The following CDR2 variants were observed in gnomAD, a reference collection of about 807,000 sequenced individuals.
CDR2 encodes cerebellar degeneration-related protein 2.
CDR2 carries 34 observed loss-of-function variants against 48.4 expected under a neutral mutation model. The observed-to-expected ratio is 0.70, with a 90% CI of 0.53 to 0.94. CDR2 has a LOEUF of 0.94. Among genes scored for constraint, CDR2 ranks in the 40% least tolerant of loss-of-function variants. The pLI is 0.00. For synonymous variants in CDR2, 240 were observed against 219.7 expected, an observed-to-expected ratio of 1.09 and a Z score of -0.82; for missense variants, 498 against 549.5, an observed-to-expected ratio of 0.91 and a Z score of 0.94.
intron 1 of CDR2, 25 bp downstream of exon 1, chr16:22,374,206 G>T: frequency 1.3e-6 from 2 of 1,530,060 alleles, no homozygotes; most frequent in Non-Finnish European, 1.8e-6. Context: ...GCCGCCGCCC[G>T]CCCGCGGGGC....
chr16:22,365,288 G>A (rs935624574), intron 1 of CDR2: 3 of 263,038 alleles, frequency 1.1e-5, no homozygotes, highest in African/African-American at 6.6e-5. Flanking sequence ...TCATTCCGCA[G>A]TGTTACTTCT....
chr16:22,354,726 T>TAAAA (rs755319252), intron 2 of CDR2, among the ~76,000 whole-genome samples: 1 of 132,252 alleles, frequency 7.6e-6, no homozygotes, highest in Non-Finnish European at 1.6e-5. Flanking sequence ...CATCTCTACT[T>TAAAA]AAAAAAAAAA....
intron 2 of CDR2, 55 bp downstream of exon 2, chr16:22,364,847 A>G (rs2049034426): frequency 9.8e-7 from 1 of 1,021,540 alleles, no homozygotes; most frequent in Non-Finnish European, 1.5e-6. Flanking sequence ...TGTGATTGGC[A>G]TAACAGCAAC....
chr16:22,349,245 C>T lies in CDR2; in HGVS notation c.506+34G>A, dbSNP rs1268279530. ...AATGTGCCAATGACATGAGACAGTC[C>T]CTGCTGTAACTCCACAGAAAGGCAG... On this transcript the variant is annotated intron_variant, in intron 4 of 4. Transcript: ENST00000268383. 3 of 1,610,882 alleles carry T rather than the reference C, an allele frequency of 1.9e-6. No individual in the cohort carries two copies. In the African/African-American group the frequency reaches 4.0e-5, roughly 22 times the overall value.
chr16:22,350,982 C>T (rs1268540386), intron 2 of CDR2, among the ~76,000 whole-genome samples: 1 of 152,196 alleles, frequency 6.6e-6, no homozygotes, highest in East Asian at 1.9e-4. Flanking sequence ...CACCCATCAA[C>T]TCATCATTTA....
chr16:22,346,754 T>A lies in CDR2; in HGVS notation c.*211A>T. 1 of 596,564 alleles carries A rather than the reference T, an allele frequency of 1.7e-6. No homozygotes were observed. The highest frequency in any genetic ancestry group is 1.8e-5 in the African/African-American group (1 of 54,146). The allele number at this position is 596,564 out of a possible 1,614,324, so 37.0% of individuals were successfully genotyped here. A position where few individuals can be genotyped will look rare whatever the true frequency, so the allele number is the denominator to read the frequency against. On this transcript the variant is annotated 3_prime_UTR_variant, in exon 5 of 5. Coordinates refer to ENST00000268383, the MANE Select transcript of CDR2 (RefSeq NM_001802.2). ...GCGCCAGCCAGAGGCCAGTTTGTCATGGGATTTCCTGGGGAGCTTAAATGG... is the reference window on the plus strand; with the variant it reads ...GCGCCAGCCAGAGGCCAGTTTGTCAAGGGATTTCCTGGGGAGCTTAAATGG...
intron 2 of CDR2, among the ~76,000 whole-genome samples, chr16:22,355,581 C>T (rs2048969409): frequency 6.6e-6 from 1 of 152,116 alleles, no homozygotes; most frequent in Non-Finnish European, 1.5e-5. Context: ...GCCCTAGGCC[C>T]AACAAACCAA....
chr16:22,350,851 T>C (rs930831540), intron 2 of CDR2, among the ~76,000 whole-genome samples: 2 of 152,188 alleles, frequency 1.3e-5, no homozygotes, highest in Admixed American at 1.3e-4. Context: ...ACATCATGTT[T>C]AACAGAAATA....
At chr16:22,351,655 G>A (rs901963975) in intron 2 of CDR2, among the ~76,000 whole-genome samples, 1 of 152,144 alleles carries the variant, frequency 6.6e-6, no homozygotes, top group African/African-American at 2.4e-5. Flanking sequence ...AATTTTATGA[G>A]AGTTTTATCA....
At chr16:22,348,666 A>G (rs576648644) in intron 4 of CDR2, among the ~76,000 whole-genome samples, 17 of 152,008 alleles carry the variant, frequency 1.1e-4, no homozygotes, top group Admixed American at 8.5e-4. Flanking sequence ...ATTTTGAAAA[A>G]CCCCACAGGT....
chr16:22,352,320 G>A (rs2141844596), intron 2 of CDR2, among the ~76,000 whole-genome samples: 1 of 151,760 alleles, frequency 6.6e-6, no homozygotes, highest in South Asian at 2.1e-4. Context: ...ACAAACAATG[G>A]GCTAAATGAC....
intron 1 of CDR2, among the ~76,000 whole-genome samples, chr16:22,373,721 CATT>C (rs1255062919): frequency 6.6e-6 from 1 of 152,240 alleles, no homozygotes; most frequent in African/African-American, 2.4e-5. Flanking sequence ...TACCCTCAAA[CATT>C]AATTTTTAAA....
chr16:22,352,311 C>A (rs1440426449), intron 2 of CDR2, among the ~76,000 whole-genome samples: 2 of 151,820 alleles, frequency 1.3e-5, no homozygotes, highest in Admixed American at 6.6e-5. Flanking sequence ...GCAAGGCTAA[C>A]AAACAATGGG....
At chr16:22,350,044 C>A (rs1257283831) in intron 2 of CDR2, among the ~76,000 whole-genome samples, 195 bp from the exon 3 acceptor site, 2 of 152,104 alleles carry the variant, frequency 1.3e-5, no homozygotes, top group African/African-American at 4.8e-5. Context: ...CAAAAATTAG[C>A]CAGGTGTGGT....
chr16:22,364,348 C>T (rs2049030882), intron 2 of CDR2, among the ~76,000 whole-genome samples: 1 of 152,008 alleles, frequency 6.6e-6, no homozygotes, highest in African/African-American at 2.4e-5. Flanking sequence ...TGGAGCAAAA[C>T]ATCTGAACAC....
chr16:22,354,175 G>A (rs1440216176), intron 2 of CDR2, among the ~76,000 whole-genome samples: 1 of 152,164 alleles, frequency 6.6e-6, no homozygotes, highest in Non-Finnish European at 1.5e-5. Context: ...TGCATTTTTA[G>A]CAACAAACCC....
intron 2 of CDR2, among the ~76,000 whole-genome samples, chr16:22,351,301 G>A (rs889177202): frequency 5.3e-5 from 8 of 152,146 alleles, no homozygotes; most frequent in Non-Finnish European, 1.0e-4. Flanking sequence ...CTTTGCTATT[G>A]TGAATAGTGC....
intron 1 of CDR2, among the ~76,000 whole-genome samples, chr16:22,372,321 C>A (rs901546125): frequency 2.0e-5 from 3 of 152,072 alleles, no homozygotes; most frequent in Non-Finnish European, 2.9e-5. Context: ...CCTCCCACAG[C>A]GGGAGAATGC....
chr16:22,355,369 T>C (rs2048968510), intron 2 of CDR2, among the ~76,000 whole-genome samples: 1 of 152,242 alleles, frequency 6.6e-6, no homozygotes, highest in Admixed American at 6.5e-5. Flanking sequence ...GCAGTTCTCC[T>C]GGCTGCTCCA....
Sources: gnomAD v4.1 joint callset for allele counts (sites outside exome capture counted in the v4.1 genomes callset) on GRCh38, gnomAD v4.1.1 for gene constraint, MANE v1.5 for transcripts, NCBI Gene and HGNC (gene_info 2026-07-23, HGNC 2026-07-21) for gene names.